SEMA4D: variants seen among roughly 807,000 people sequenced by gnomAD.
SEMA4D encodes the protein semaphorin-4D.
In SEMA4D, 22 loss-of-function variants were observed where a neutral mutation model predicts 74.8. The ratio of observed to expected loss-of-function variants is 0.29; its 90% CI spans 0.21 to 0.42. The LOEUF (loss-of-function observed/expected upper bound fraction) is 0.42. SEMA4D is among the 10% of genes least tolerant of loss of function. The pLI, the probability that SEMA4D is intolerant of heterozygous loss-of-function variation, is 1.00. For synonymous variants in SEMA4D, 445 were observed against 463.7 expected (o/e 0.96, Z 0.52); for missense variants, 937 against 1,118.4 (o/e 0.84, Z 2.31).
downstream of SEMA4D, among the ~76,000 whole-genome samples, chr9:89,373,167 G>A (rs1347055616): frequency 3.3e-5 from 5 of 152,058 alleles, no homozygotes; most frequent in South Asian, 8.3e-4. Context: ...AGGCCTCTCC[G>A]CCCTACTCCG....
At chr9:89,480,114 C>T (rs555352470) in intron 1 of SEMA4D, among the ~76,000 whole-genome samples, 8 of 152,104 alleles carry the variant, frequency 5.3e-5, no homozygotes, top group East Asian at 3.9e-4. Context: ...TACAGAGTGT[C>T]GATTGGTGCA....
Position 89,392,436 on chromosome 9 carries a change from G to A in SEMA4D, c.609C>T (p.Ile203=), listed in dbSNP as rs150882263. 112 of 1,612,416 alleles carry A rather than the reference G, an allele frequency of 6.9e-5. 1 individual carries two copies. In the African/African-American group the frequency reaches 1.3e-3, roughly 19 times the overall value. ...GCTCTTCCTTACCGTTCAGCCAAGGGATTGCATATTCTGTCCTCAGAGGAC... is the reference window on the plus strand; with the variant it reads ...GCTCTTCCTTACCGTTCAGCCAAGGAATTGCATATTCTGTCCTCAGAGGAC... ...SHSPLRTEYA[I]PWLNEPSFVF... is the part of the protein sequence containing the mutation. The change falls in exon 8 of 16, where the codon ATC becomes ATT. Residue 203 remains isoleucine (I), a synonymous_variant. Coordinates refer to ENST00000422704, the MANE Select transcript of SEMA4D (RefSeq NM_001371194.2).
At position 89,484,096 on chromosome 9, in the gene SEMA4D, A is replaced by G. The variant is rs2136212873; in HGVS notation, c.-310+13823T>C. 6.6e-6 allele frequency among the ~76,000 whole-genome samples: 1 copy of G among 152,376 alleles called. No individual in the cohort carries two copies. The highest frequency in any genetic ancestry group is 6.5e-5 in the Admixed American group (1 of 15,304). On this transcript the variant is annotated intron_variant, in intron 1 of 15. Transcript: ENST00000422704. This position sits in a 1 kb window ranked among gnomAD's most constrained non-coding sequence, Gnocchi z 4.1. ...CTGCGCACAAGCTGGCAGGCACAGA[A>G]GGGCTTCCGGGCTCCCCCAGGAACT...
chr9:89,453,707 C>T (rs1855199763), intron 2 of SEMA4D, among the ~76,000 whole-genome samples: 1 of 152,210 alleles, frequency 6.6e-6, no homozygotes, highest in Non-Finnish European at 1.5e-5. Flanking sequence ...CATCACAGGG[C>T]CTGGCCCACA....
chr9:89,381,182 G>T lies in SEMA4D; in HGVS notation c.1611C>A (p.Ser537Arg). ...CGCATCCCGCCCCATACCTGCTGGG[G>T]CTCTCGGTCTGGTGCAGAGCCACGC... is the stretch of plus-strand genomic sequence containing the variant. The part of the protein sequence containing the change: ...ATCVALHQTE[S>R]PSRGLIQEMS... The change falls in exon 14 of 16, where the codon AGC becomes AGA. Residue 537 changes from serine to arginine, a missense_variant. Ser to Arg is a moderately radical substitution (Grantham distance 110). Transcript: ENST00000422704. This position sits in a 1 kb window ranked among gnomAD's most constrained non-coding sequence, Gnocchi z 4.6. 6.2e-7 allele frequency: 1 copy of T among 1,613,744 alleles called. No individual in the cohort carries two copies. The highest frequency in any genetic ancestry group is 8.5e-7 in the Non-Finnish European group (1 of 1,179,690).
At position 89,391,350 on chromosome 9, in the gene SEMA4D, T is replaced by C. The variant is rs1277474125; in HGVS notation, c.688A>G (p.Arg230Gly). Residue 230 changes from arginine to glycine, a missense_variant, in exon 9 of 16, where the codon AGG (arginine) becomes GGG (glycine). Coordinates refer to ENST00000422704, the MANE Select transcript of SEMA4D (RefSeq NM_001371194.2). Reference protein sequence around the residue: ...SPDSPDGEDDRVYFFFTEVSV... With the variant: ...SPDSPDGEDDGVYFFFTEVSV... The stretch of plus-strand genomic sequence containing the variant: ...ACCTCCGTGAAGAAGAAGTAGACCC[T>C]GTCATCCTCGCCGTCGGGGCTGTCT... 6.2e-7 allele frequency: 1 copy of C among 1,614,242 alleles called. No individual in the cohort carries two copies. The highest frequency in any genetic ancestry group is 8.5e-7 in the Non-Finnish European group (1 of 1,180,040).
At chr9:89,420,646 C>T (rs9410480) in intron 2 of SEMA4D, among the ~76,000 whole-genome samples, 1 of 152,116 alleles carries the variant, frequency 6.6e-6, no homozygotes, top group Non-Finnish European at 1.5e-5. Flanking sequence ...GCCTTCTGGG[C>T]GTACTCCCTA....
chr9:89,378,572 G>A lies in SEMA4D; in HGVS notation c.*132C>T. ...CCAAGAGAAAATAGACAAGAGGACT[G>A]AGGTTGTCTGCACGATGCGGGCTAA... On this transcript the variant is annotated 3_prime_UTR_variant, in exon 16 of 16. Transcript: ENST00000422704. The A allele has an allele frequency of 3.1e-6, 2 of 644,192 alleles. No homozygotes were observed. 39.9% of individuals were successfully genotyped at this position (644,192 alleles called of 1,614,324 possible).
chr9:89,373,462 C>T (rs539581875), downstream of SEMA4D, among the ~76,000 whole-genome samples: 6 of 152,212 alleles, frequency 3.9e-5, no homozygotes, highest in Non-Finnish European at 8.8e-5. Context: ...CAACCCTGAC[C>T]AGCTGACCTT....
rs879169725 is a variant in SEMA4D, at chr9:89,396,955, G to A, written c.316-120C>T. The A allele has an allele frequency of 1.0e-5, 9 of 863,036 alleles. No individual in the cohort carries two copies. In the South Asian group the frequency reaches 1.4e-4, roughly 14 times the overall value. 53.5% of individuals were successfully genotyped at this position (863,036 alleles called of 1,614,324 possible). ...CCACATTCACCAACACCAGCTCACA[G>A]GTGGCCCCAGGCCAACGAGGCATGT... On this transcript the variant is annotated intron_variant, in intron 5 of 15. Coordinates refer to ENST00000422704, the MANE Select transcript of SEMA4D (RefSeq NM_001371194.2).
intron 1 of SEMA4D, among the ~76,000 whole-genome samples, chr9:89,483,928 A>G (rs1824931674): frequency 1.3e-5 from 2 of 152,274 alleles, no homozygotes; most frequent in African/African-American, 4.8e-5. Context: ...GGTTTCAAAC[A>G]TAACACTGAA....
At chr9:89,380,042 CT>C (rs542451659) in intron 15 of SEMA4D, among the ~76,000 whole-genome samples, 1 of 151,712 alleles carries the variant, frequency 6.6e-6, no homozygotes. Flanking sequence ...TCTTTTTTTT[CT>C]TTTTTTTGAA....
chr9:89,406,905 C>T (rs1374697592), intron 2 of SEMA4D, among the ~76,000 whole-genome samples: 9 of 152,098 alleles, frequency 5.9e-5, no homozygotes, highest in Non-Finnish European at 1.0e-4. Flanking sequence ...GTCCATGTCC[C>T]CACCTAAAAA....
intron 1 of SEMA4D, among the ~76,000 whole-genome samples, chr9:89,477,639 G>A (rs1563982190): frequency 6.6e-6 from 1 of 152,214 alleles, no homozygotes; most frequent in Non-Finnish European, 1.5e-5. Flanking sequence ...CTCTATGGAT[G>A]TGTGTGTACT....
At chr9:89,473,654 C>T (rs557446097) in intron 1 of SEMA4D, among the ~76,000 whole-genome samples, 92 of 152,062 alleles carry the variant, frequency 6.1e-4, no homozygotes, top group African/African-American at 2.1e-3. Context: ...GTCAGGAGTT[C>T]GAAACCAGCC....
intron 1 of SEMA4D, among the ~76,000 whole-genome samples, chr9:89,462,975 GGAGC>G (rs761199334): frequency 1.7e-5 from 2 of 116,724 alleles, no homozygotes; most frequent in Admixed American, 8.6e-5. Flanking sequence ...CGAGGGGAGG[GGAGC>G]GAGGGAGAAA....
chr9:89,376,653 T>C (rs1240708663), downstream of SEMA4D: 4 of 892,732 alleles, frequency 4.5e-6, no homozygotes, highest in Non-Finnish European at 6.7e-6. Context: ...CTGTCTACAG[T>C]TTCCCTCGGG....
intron 4 of SEMA4D, 97 bp downstream of exon 4, chr9:89,402,774 G>C: frequency 2.2e-6 from 3 of 1,345,098 alleles, no homozygotes; most frequent in Non-Finnish European, 3.1e-6. Flanking sequence ...CAGAATGGAG[G>C]CTCCAGGTAA....
intron 2 of SEMA4D, among the ~76,000 whole-genome samples, chr9:89,443,893 G>A (rs1436061910): frequency 1.3e-5 from 2 of 152,186 alleles, no homozygotes; most frequent in Non-Finnish European, 2.9e-5. Context: ...AGGTGCCTGG[G>A]CATGGGCATC....
Sources: gnomAD v4.1 joint callset for allele counts (sites outside exome capture counted in the v4.1 genomes callset) on GRCh38, gnomAD v4.1.1 for gene constraint, Gnocchi (gnomAD v3.1) non-coding constraint, MANE v1.5 for transcripts, NCBI Gene and HGNC (gene_info 2026-07-23, HGNC 2026-07-21) for gene names.